The following DYM variants were observed in gnomAD, a reference collection of about 807,000 sequenced individuals.
DYM encodes dyggve-Melchior-Clausen syndrome protein.
A neutral mutation model predicts 93.1 loss-of-function variants in DYM; 78 were observed. The observed-to-expected ratio is 0.84, with a 90% CI of 0.70 to 1.01. The LOEUF (loss-of-function observed/expected upper bound fraction) is 1.01, where lower values mean the gene tolerates loss of function less well. Ranked by LOEUF, DYM falls within the 50% of genes least tolerant of loss-of-function variation. DYM has a pLI of 0.00. For missense variants in DYM, 789 were observed against 845.0 expected (o/e 0.93, Z 0.82); for synonymous variants, 321 against 319.7 (o/e 1.00, Z -0.04).
intron 15 of DYM, among the ~76,000 whole-genome samples, chr18:49,140,077 T>C (rs1194835290): frequency 6.6e-6 from 1 of 152,096 alleles, no homozygotes; most frequent in Non-Finnish European, 1.5e-5. Flanking sequence ...AATAAATGAC[T>C]TGATGATTCT....
chr18:49,404,823 G>C (rs1313565130), intron 2 of DYM, among the ~76,000 whole-genome samples: 2 of 152,012 alleles, frequency 1.3e-5, no homozygotes, highest in African/African-American at 4.8e-5. Flanking sequence ...TTCGAGACCA[G>C]CCTGACCAAT....
At chr18:49,187,322 C>G (rs1339655974) in intron 14 of DYM, among the ~76,000 whole-genome samples, 1 of 152,138 alleles carries the variant, frequency 6.6e-6, no homozygotes, top group South Asian at 2.1e-4. Flanking sequence ...ACAACTTGCC[C>G]AATTCTGAGT....
At chr18:49,100,816 G>C (rs1032015324) in intron 16 of DYM, among the ~76,000 whole-genome samples, 1 of 152,126 alleles carries the variant, frequency 6.6e-6, no homozygotes, top group African/African-American at 2.4e-5. Flanking sequence ...AACTAGACTG[G>C]GGTGGCCCAG....
chr18:49,440,930 TATATA>T (rs1243131427), intron 1 of DYM, among the ~76,000 whole-genome samples: 193 of 1,632 alleles, frequency 0.12, 70 homozygotes, highest in Non-Finnish European at 0.13. Flanking sequence ...TATAATATAT[TATATA>T]ATATATAATA....
intron 14 of DYM, chr18:49,208,493 C>T (rs1020401693): frequency 1.8e-4 from 28 of 152,166 alleles, no homozygotes; most frequent in South Asian, 2.1e-4. Flanking sequence ...TACAATGACT[C>T]GATGTGAGGC....
At chr18:49,391,691 A>G in intron 2 of DYM, 46 bp from the exon 3 acceptor site, 1 of 1,470,546 alleles carries the variant, frequency 6.8e-7, no homozygotes, top group Non-Finnish European at 9.5e-7. Context: ...ATAATACTAA[A>G]TATGTACATG....
At chr18:49,064,242 G>A (rs2076220297) in intron 17 of DYM, among the ~76,000 whole-genome samples, 1 of 152,128 alleles carries the variant, frequency 6.6e-6, no homozygotes, top group South Asian at 2.1e-4. Flanking sequence ...GCATTTTTAG[G>A]CAGATTCGAG....
chr18:49,093,207 A>G (rs575541824), intron 17 of DYM: 1 of 152,334 alleles, frequency 6.6e-6, no homozygotes, highest in East Asian at 1.9e-4. Flanking sequence ...GGGGAGCATG[A>G]TCGGCTCACC....
rs143849100 is a variant in DYM at position 49,239,757 on chromosome 18, T to A, written c.1460+17253A>T. On this transcript the variant is annotated intron_variant, in intron 13 of 17. Coordinates refer to ENST00000675505, the MANE Select transcript of DYM (RefSeq NM_001353214.3). ...GACACCCAGCCCAGCTGCTCTACGA[T>A]GGCAAACAAGAGACCACAAGTAGAG... Among the ~76,000 whole-genome samples, 3 of 152,354 alleles carry A rather than the reference T, an allele frequency of 2.0e-5. No homozygotes were observed. In the East Asian group the frequency reaches 5.8e-4, roughly 29 times the overall value.
At chr18:49,066,154 C>A (rs935416607) in intron 17 of DYM, among the ~76,000 whole-genome samples, 4 of 146,508 alleles carry the variant, frequency 2.7e-5, no homozygotes, top group Non-Finnish European at 6.0e-5. Context: ...ACCACGATTA[C>A]TTTTGCACCA....
In DYM at chr18:49,162,267, A is replaced by C. The variant is rs148633868; in HGVS notation, c.1728+1418T>G. Among the ~76,000 whole-genome samples the C allele has an allele frequency of 2.4e-3, 363 of 152,276 alleles. 1 individual carries two copies. The highest frequency in any genetic ancestry group is 8.2e-3 in the African/African-American group (341 of 41,554). On this transcript the variant is annotated intron_variant, in intron 15 of 17. Coordinates refer to ENST00000675505, the MANE Select transcript of DYM (RefSeq NM_001353214.3). ...TCTGTCGGTTAGAACAGAATACCTG[A>C]AACTAGGTAATTTATAAAGAAAAAG...
At chr18:49,379,606 GA>G in intron 4 of DYM, 58 bp downstream of exon 4, 1 of 1,372,518 alleles carries the variant, frequency 7.3e-7, no homozygotes, top group East Asian at 2.3e-5. Context: ...ATCAATAAAT[GA>G]AAACTAAAAT....
At chr18:49,129,433 A>C (rs1437592296) in intron 15 of DYM, among the ~76,000 whole-genome samples, 1 of 152,212 alleles carries the variant, frequency 6.6e-6, no homozygotes, top group Non-Finnish European at 1.5e-5. Context: ...CAACCAGATA[A>C]ATGAATTCCA....
intron 2 of DYM, among the ~76,000 whole-genome samples, chr18:49,395,043 G>C (rs1035595247): frequency 6.6e-6 from 1 of 152,072 alleles, no homozygotes; most frequent in Non-Finnish European, 1.5e-5. Flanking sequence ...ACTACTAGAA[G>C]ACACTTAAGT....
At chr18:49,387,748 A>C (rs2068779040) in intron 3 of DYM, among the ~76,000 whole-genome samples, 1 of 152,184 alleles carries the variant, frequency 6.6e-6, no homozygotes. Context: ...ATTTATAAGC[A>C]TGGGGAAACC....
intron 2 of DYM, among the ~76,000 whole-genome samples, chr18:49,407,263 TA>T (rs2071608062): frequency 6.6e-6 from 1 of 152,188 alleles, no homozygotes; most frequent in Non-Finnish European, 1.5e-5. Flanking sequence ...GTTGGTTACA[TA>T]AATCTACTCA....
chr18:49,080,323 G>A (rs1429407116), intron 17 of DYM, among the ~76,000 whole-genome samples: 1 of 136,638 alleles, frequency 7.3e-6, no homozygotes, highest in Non-Finnish European at 1.6e-5. Flanking sequence ...GGGGTGGCTG[G>A]CCGGGCGGGG....
chr18:49,167,147 A>G (rs1683846034), intron 14 of DYM, among the ~76,000 whole-genome samples: 1 of 152,022 alleles, frequency 6.6e-6, no homozygotes, highest in Non-Finnish European at 1.5e-5. Context: ...CAGAGCAAAA[A>G]ACACTTGAAA....
At chr18:49,433,790 C>T (rs1192764444) in intron 1 of DYM, among the ~76,000 whole-genome samples, 2 of 152,226 alleles carry the variant, frequency 1.3e-5, no homozygotes, top group Non-Finnish European at 2.9e-5. Context: ...ATCACCTGAA[C>T]CTGGGAAGTG....
Sources: gnomAD v4.1 joint callset for allele counts (sites outside exome capture counted in the v4.1 genomes callset) on GRCh38, gnomAD v4.1.1 for gene constraint, MANE v1.5 for transcripts, NCBI Gene and HGNC (gene_info 2026-07-23, HGNC 2026-07-21) for gene names.